Variants in TMC5 observed in about 807,000 individuals in gnomAD.
TMC5 encodes the protein transmembrane channel-like protein 5.
A neutral mutation model predicts 110.5 loss-of-function variants in TMC5; 86 were observed. That is an observed-to-expected ratio of 0.78 (90% CI 0.65 to 0.93). The LOEUF is 0.93. Ranked by LOEUF, TMC5 falls within the 40% of genes least tolerant of loss-of-function variation. The pLI is 0.00. For missense variants in TMC5, 1,144 were observed against 1,222.8 expected, an observed-to-expected ratio of 0.94 and a Z score of 0.96; for synonymous variants, 455 against 439.5, an observed-to-expected ratio of 1.04 and a Z score of -0.44.
Position 19,444,188 on chromosome 16 carries a change from C to A in TMC5, c.896C>A (p.Ala299Glu). ...GATTACCCTGAAGGCATTGAAATGG[C>A]ATCCATGGAGATGGCAAACTCATAT... is the stretch of plus-strand genomic sequence containing the variant. ...ENDYPEGIEM[A>E]SMEMANSYGH... The change falls in exon 4 of 22, where the codon GCA becomes GAA. Residue 299 changes from alanine (A) to glutamate (E), a missense_variant. Coordinates refer to ENST00000542583, the MANE Select transcript of TMC5 (RefSeq NM_001261841.2). 1.2e-6 allele frequency: 2 copies of A among 1,614,036 alleles called. No homozygotes were observed. The highest frequency in any genetic ancestry group is 1.7e-6 in the Non-Finnish European group (2 of 1,180,016).
At chr16:19,468,017 C>A (rs1968232370) in intron 9 of TMC5, among the ~76,000 whole-genome samples, 1 of 152,028 alleles carries the variant, frequency 6.6e-6, no homozygotes, top group Non-Finnish European at 1.5e-5. Context: ...CTCTGTCACC[C>A]AGGCTGGAGT....
intron 1 of TMC5, among the ~76,000 whole-genome samples, chr16:19,419,413 T>TG (rs1311525259): frequency 1.5e-5 from 2 of 130,592 alleles, no homozygotes; most frequent in African/African-American, 5.7e-5. Flanking sequence ...TTTTTTTTTT[T>TG]TTTTTTTTTT....
intron 2 of TMC5, among the ~76,000 whole-genome samples, chr16:19,438,436 A>AAAGAAAGAAG (rs1967404602): frequency 1.5e-4 from 1 of 6,622 alleles, no homozygotes; most frequent in African/African-American, 6.2e-4. Context: ...AGAAAGAAAG[A>AAAGAAAGAAG]GAAAGAAAGA....
At chr16:19,413,451 G>A (rs1966861711), upstream of TMC5, among the ~76,000 whole-genome samples, 1 of 147,724 alleles carries the variant, frequency 6.8e-6, no homozygotes, top group Non-Finnish European at 1.5e-5. Flanking sequence ...TTGAGCCCGG[G>A]AGGCAGAGAT....
At chr16:19,459,631 A>T (rs1967969140) in intron 5 of TMC5, among the ~76,000 whole-genome samples, 1 of 152,070 alleles carries the variant, frequency 6.6e-6, no homozygotes, top group African/African-American at 2.4e-5. Flanking sequence ...AATTTTAAAA[A>T]ATTAGCTGGT....
intron 1 of TMC5, among the ~76,000 whole-genome samples, chr16:19,427,971 A>G (rs904894419): frequency 3.8e-4 from 58 of 152,288 alleles, no homozygotes; most frequent in African/African-American, 1.3e-3. Flanking sequence ...TTTACATCTA[A>G]GGCCTGTGAG....
intron 9 of TMC5, among the ~76,000 whole-genome samples, chr16:19,467,460 A>G (rs532694436): frequency 3.3e-5 from 5 of 152,252 alleles, no homozygotes; most frequent in East Asian, 1.9e-4. Flanking sequence ...CATTTTAAAA[A>G]AATGTAATTA....
At chr16:19,437,192 A>G (rs746641442) in intron 2 of TMC5, among the ~76,000 whole-genome samples, 19 of 152,162 alleles carry the variant, frequency 1.2e-4, no homozygotes, top group Non-Finnish European at 2.5e-4. Flanking sequence ...AAAATAAAGT[A>G]AAATTTCCTA....
intron 17 of TMC5, among the ~76,000 whole-genome samples, chr16:19,488,677 T>A (rs1243956037): frequency 6.6e-6 from 1 of 152,164 alleles, no homozygotes; most frequent in Non-Finnish European, 1.5e-5. Context: ...AGATCTGATC[T>A]TCACAGCCCT....
intron 6 of TMC5, among the ~76,000 whole-genome samples, chr16:19,460,925 G>A (rs1282723728): frequency 1.3e-5 from 2 of 151,988 alleles, no homozygotes; most frequent in African/African-American, 4.8e-5. Flanking sequence ...GGAGGCCAAG[G>A]TGGTGGGATT....
intron 18 of TMC5, among the ~76,000 whole-genome samples, chr16:19,491,566 C>T (rs1429780916): frequency 6.4e-5 from 9 of 141,634 alleles, no homozygotes; most frequent in African/African-American, 2.1e-4. Flanking sequence ...GACAGAGTCT[C>T]GCACTGTCAC....
intron 5 of TMC5, chr16:19,456,478 T>C (rs1967875302): frequency 7.3e-6 from 9 of 1,227,652 alleles, no homozygotes; most frequent in Non-Finnish European, 9.2e-6. Flanking sequence ...AAACACTCCT[T>C]CTCCTGAGAA....
At chr16:19,437,096 G>A (rs749815205) in intron 2 of TMC5, among the ~76,000 whole-genome samples, 1 of 152,110 alleles carries the variant, frequency 6.6e-6, no homozygotes, top group African/African-American at 2.4e-5. Context: ...GCTCACCTAC[G>A]CTTGGGAGGT....
At chr16:19,420,355 G>C (rs1214966900) in intron 1 of TMC5, among the ~76,000 whole-genome samples, 1 of 152,042 alleles carries the variant, frequency 6.6e-6, no homozygotes, top group African/African-American at 2.4e-5. Context: ...TGGAACCCAC[G>C]TGGCGGAGGT....
chr16:19,469,571 T>A (rs904725919), intron 9 of TMC5, 110 bp from the exon 10 acceptor site: 149 of 1,355,838 alleles, frequency 1.1e-4, no homozygotes, highest in Non-Finnish European at 1.4e-4. Context: ...TGGGGCTAAG[T>A]CTTCACGTTG....
Position 19,439,622 on chromosome 16 carries a change from C to T in TMC5, c.-79-338C>T, listed in dbSNP as rs183870594. Among the ~76,000 whole-genome samples the T allele has an allele frequency of 2.8e-3, 422 of 152,320 alleles. 2 individuals are homozygous for T. Among genetic ancestry groups the T allele is most frequent in the Non-Finnish European group, 4.4e-3 (301 of 68,034 alleles). On this transcript the variant is annotated intron_variant, in intron 2 of 21. Coordinates refer to ENST00000542583, the MANE Select transcript of TMC5 (RefSeq NM_001261841.2). ...ATCCTTTCCTCTGTTGTGCATTTAT[C>T]CCAAATGCAGGTCTTGGCTTTGTGT...
intron 2 of TMC5, among the ~76,000 whole-genome samples, chr16:19,438,961 G>A (rs9929533): frequency 0.86 from 130,117 of 152,168 alleles, 55,869 homozygotes; most frequent in African/African-American, 0.93. Context: ...CAAGAAAAGG[G>A]AGATGACATA....
chr16:19,419,485 G>T (rs1333520610), intron 1 of TMC5, among the ~76,000 whole-genome samples: 4 of 138,878 alleles, frequency 2.9e-5, no homozygotes, highest in African/African-American at 1.1e-4. Flanking sequence ...CGATCTCGGC[G>T]CATTGCAAGC....
intron 4 of TMC5, among the ~76,000 whole-genome samples, chr16:19,448,004 C>T (rs1005538107): frequency 4.6e-5 from 7 of 151,994 alleles, no homozygotes; most frequent in Non-Finnish European, 8.8e-5. Context: ...TGCATATTGT[C>T]CCCATTAAAA....
Sources: gnomAD v4.1 joint callset for allele counts (sites outside exome capture counted in the v4.1 genomes callset) on GRCh38, gnomAD v4.1.1 for gene constraint, MANE v1.5 for transcripts, NCBI Gene and HGNC (gene_info 2026-07-23, HGNC 2026-07-21) for gene names.